The following EGFLAM variants were observed in gnomAD, a reference collection of about 807,000 sequenced individuals.
EGFLAM encodes EGF like, fibronectin type III and laminin G domains, also known as pikachurin.
EGFLAM carries 79 observed loss-of-function variants against 113.1 expected under a neutral mutation model. The observed-to-expected ratio is 0.70, with a 90% CI of 0.58 to 0.84. EGFLAM has a LOEUF of 0.84. Ranked by LOEUF, EGFLAM falls within the 40% of genes least tolerant of loss-of-function variation. The probability of loss-of-function intolerance (pLI) is 0.00; values close to 1 mark genes in which losing one functional copy is unlikely to be tolerated. For synonymous variants in EGFLAM, 504 were observed against 487.6 expected, an observed-to-expected ratio of 1.03 and a Z score of -0.44; for missense variants, 1,265 against 1,291.6, an observed-to-expected ratio of 0.98 and a Z score of 0.32.
At chr5:38,298,183 G>A (rs1241391840) in intron 1 of EGFLAM, among the ~76,000 whole-genome samples, 1 of 152,184 alleles carries the variant, frequency 6.6e-6, no homozygotes, top group East Asian at 1.9e-4. Context: ...ACATTTACTA[G>A]CAATGAGTCT....
chr5:38,411,571 C>T (rs1343914885), intron 10 of EGFLAM, among the ~76,000 whole-genome samples: 1 of 149,468 alleles, frequency 6.7e-6, no homozygotes, highest in Admixed American at 6.6e-5. Context: ...CAACCTCCAC[C>T]TCCTGGGTTC....
chr5:38,258,870 C>T lies in EGFLAM; in HGVS notation c.97+19C>T. ...AAACCAGGTAATGCGCTCCTCCGCCCAGAGCCACCACGCCCCGAGCGCCCC... is the reference window on the plus strand; with the variant it reads ...AAACCAGGTAATGCGCTCCTCCGCCTAGAGCCACCACGCCCCGAGCGCCCC... On this transcript the variant is annotated intron_variant, in intron 1 of 21. Coordinates refer to ENST00000322350, the MANE Select transcript of EGFLAM (RefSeq NM_152403.4). 6.2e-7 allele frequency: 1 copy of T among 1,602,956 alleles called. No homozygotes were observed. Among genetic ancestry groups the T allele is most frequent in the Non-Finnish European group, 8.5e-7 (1 of 1,174,410 alleles).
intron 6 of EGFLAM, among the ~76,000 whole-genome samples, chr5:38,393,558 A>T (rs1462440603): frequency 6.6e-6 from 1 of 152,166 alleles, no homozygotes; most frequent in Non-Finnish European, 1.5e-5. Flanking sequence ...CCCTCCTCTC[A>T]AACAATAATA....
At position 38,357,967 on chromosome 5, in the gene EGFLAM, ATT is replaced by A. The variant is rs70978882; in HGVS notation, c.545+5656_545+5657del. Among the ~76,000 whole-genome samples, 658 of 119,394 alleles carry A rather than the reference ATT, an allele frequency of 5.5e-3. 4 individuals are homozygous for A. The highest frequency in any genetic ancestry group is 0.015 in the African/African-American group (466 of 31,284). The allele number at this position is 119,394 out of a possible 152,430, so 78.3% of individuals were successfully genotyped here. On this transcript the variant is annotated intron_variant, in intron 5 of 21. Coordinates refer to ENST00000322350, the MANE Select transcript of EGFLAM (RefSeq NM_152403.4). ...AACCTCTGCCTCACGGGTTAAGTGA[ATT>A]TTTTTTTTTTTTTTTTTTTAATATT...
intron 18 of EGFLAM, among the ~76,000 whole-genome samples, chr5:38,449,866 A>G (rs1250000380): frequency 6.6e-6 from 1 of 152,112 alleles, no homozygotes; most frequent in East Asian, 1.9e-4. Context: ...CTTACACTGG[A>G]TCTTGGGTTG....
Position 38,258,675 on chromosome 5 carries a change from G to C in EGFLAM, c.-80G>C. 6.7e-7 allele frequency: 1 copy of C among 1,491,160 alleles called. No individual in the cohort carries two copies. The highest frequency in any genetic ancestry group is 9.2e-7 in the Non-Finnish European group (1 of 1,092,546). The allele number at this position is 1,491,160 out of a possible 1,614,324, so 92.4% of individuals were successfully genotyped here. On this transcript the variant is annotated 5_prime_UTR_variant, in exon 1 of 22. Transcript: ENST00000322350. ...CCCGGCCCGGGGATCCGTTGGGGCCGCGTCCCCCACGCGCCCCCGGAGACG... is the reference window on the plus strand; with the variant it reads ...CCCGGCCCGGGGATCCGTTGGGGCCCCGTCCCCCACGCGCCCCCGGAGACG...
chr5:38,311,841 G>A (rs1738452858), intron 1 of EGFLAM, among the ~76,000 whole-genome samples: 1 of 152,154 alleles, frequency 6.6e-6, no homozygotes, highest in African/African-American at 2.4e-5. Context: ...TTGGACAAAC[G>A]ACAAACTGAG....
At chr5:38,463,761 C>A in intron 21 of EGFLAM, 71 bp from the exon 22 acceptor site, 1 of 1,581,116 alleles carries the variant, frequency 6.3e-7, no homozygotes, top group Non-Finnish European at 8.6e-7. Context: ...GTGCCCCAAA[C>A]TGGAACCCCG....
intron 1 of EGFLAM, among the ~76,000 whole-genome samples, chr5:38,328,763 TTTTA>T (rs1470709038): frequency 1.9e-4 from 28 of 151,172 alleles, no homozygotes; most frequent in Admixed American, 1.1e-3. Context: ...TCTCTTCATA[TTTTA>T]TTTATTAGGG....
intron 1 of EGFLAM, among the ~76,000 whole-genome samples, chr5:38,314,480 G>A (rs75378713): frequency 3.4e-4 from 52 of 152,288 alleles, no homozygotes; most frequent in Non-Finnish European, 6.2e-4. Flanking sequence ...ATGCCTGATA[G>A]TTTTGTTCTC....
chr5:38,444,383 T>G (rs6890374), intron 17 of EGFLAM, among the ~76,000 whole-genome samples: 6,624 of 152,202 alleles, frequency 0.044, 446 homozygotes, highest in African/African-American at 0.15. Flanking sequence ...GAGAAATAAA[T>G]TCTGGTGTTC....
intron 1 of EGFLAM, among the ~76,000 whole-genome samples, chr5:38,274,567 A>C (rs1757841281): frequency 6.7e-6 from 1 of 149,668 alleles, no homozygotes; most frequent in South Asian, 2.1e-4. Flanking sequence ...GTTTTGAAGG[A>C]GAAAAAACTG....
intron 12 of EGFLAM, among the ~76,000 whole-genome samples, chr5:38,421,473 G>C (rs781732284): frequency 6.6e-5 from 10 of 152,204 alleles, no homozygotes; most frequent in Admixed American, 3.3e-4. Context: ...GTGACCATGG[G>C]TCTCACTATG....
chr5:38,384,268 G>A (rs1033860440), intron 6 of EGFLAM, among the ~76,000 whole-genome samples: 5 of 152,050 alleles, frequency 3.3e-5, no homozygotes, highest in African/African-American at 7.2e-5. Context: ...CACAATTTTC[G>A]GATAAGGAAC....
intron 10 of EGFLAM, among the ~76,000 whole-genome samples, chr5:38,409,758 T>C (rs1411524568): frequency 6.6e-6 from 1 of 152,218 alleles, no homozygotes; most frequent in Non-Finnish European, 1.5e-5. Flanking sequence ...ACCATCCTCA[T>C]CTTCCTCTGG....
intron 1 of EGFLAM, among the ~76,000 whole-genome samples, chr5:38,261,588 T>C (rs1266953003): frequency 6.6e-6 from 1 of 152,078 alleles, no homozygotes; most frequent in East Asian, 1.9e-4. Flanking sequence ...TTTGCAGAGG[T>C]GTGTAGCATG....
At chr5:38,314,753 A>G (rs1428898617) in intron 1 of EGFLAM, among the ~76,000 whole-genome samples, 1 of 152,130 alleles carries the variant, frequency 6.6e-6, no homozygotes, top group Admixed American at 6.5e-5. Flanking sequence ...GACTTGTTGA[A>G]CTCAGGTGGG....
intron 6 of EGFLAM, among the ~76,000 whole-genome samples, chr5:38,382,256 A>G (rs1360499992): frequency 6.6e-6 from 1 of 152,226 alleles, no homozygotes; most frequent in East Asian, 1.9e-4. Flanking sequence ...AAATCATAGT[A>G]CATACACTTT....
intron 1 of EGFLAM, among the ~76,000 whole-genome samples, chr5:38,292,535 G>A (rs1191620436): frequency 2.0e-5 from 3 of 152,132 alleles, no homozygotes; most frequent in South Asian, 2.1e-4. Context: ...TCCCCAGTTC[G>A]CTGCTGAATG....
Sources: allele counts gnomAD v4.1 joint callset (sites outside exome capture counted in the v4.1 genomes callset), GRCh38; gene constraint gnomAD v4.1.1; transcripts MANE v1.5; gene names NCBI Gene and HGNC (gene_info 2026-07-23, HGNC 2026-07-21).